EXT2: variants seen among roughly 807,000 people sequenced by gnomAD.
The protein encoded by EXT2 is exostosin-2.
In EXT2, 53 loss-of-function variants were observed where a neutral mutation model predicts 81.6. The observed-to-expected ratio is 0.65, with a 90% confidence interval of 0.52 to 0.82. EXT2 has a LOEUF of 0.82. Among genes scored for constraint, EXT2 ranks in the 40% least tolerant of loss-of-function variants. The pLI, the probability that EXT2 is intolerant of heterozygous loss-of-function variation, is 0.00. For missense variants in EXT2, 774 were observed against 910.2 expected (o/e 0.85, Z 1.93); for synonymous variants, 320 against 340.0 (o/e 0.94, Z 0.65).
In EXT2 at chr11:44,108,199, A is replaced by T. The variant is rs1954089713; in HGVS notation, c.487A>T (p.Asn163Tyr). Residue 163 changes from asparagine (N) to tyrosine (Y), a missense_variant, in exon 2 of 14, where the codon AAC becomes TAC. Coordinates refer to ENST00000533608, the MANE Select transcript of EXT2 (RefSeq NM_207122.2). ...FVPSIDVLNQ[N>Y]TLRIKETAQA... Reference sequence around the variant, plus strand: ...TCCCTCCATCGATGTGCTTAACCAGAACACACTGCGCATCAAGGAGACAGC... The same window carrying T: ...TCCCTCCATCGATGTGCTTAACCAGTACACACTGCGCATCAAGGAGACAGC... The T allele has an allele frequency of 4.3e-6, 7 of 1,613,760 alleles. No homozygotes were observed. Among genetic ancestry groups the T allele is most frequent in the Non-Finnish European group, 5.9e-6 (7 of 1,180,018 alleles).
At chr11:44,218,750 TA>T (rs1955748513) in intron 10 of EXT2, among the ~76,000 whole-genome samples, 1 of 151,744 alleles carries the variant, frequency 6.6e-6, no homozygotes, top group Non-Finnish European at 1.5e-5. Context: ...TGGCTATCTA[TA>T]TGTGTATTCA....
chr11:44,108,087 C>A lies in EXT2; in HGVS notation c.375C>A (p.Thr125=). ...ACTTTGGCGTCTCTGTCAGCAACACCATCTCCCGGGAGTATAATGAACTGC... is the reference window on the plus strand; with the variant it reads ...ACTTTGGCGTCTCTGTCAGCAACACAATCTCCCGGGAGTATAATGAACTGC... The part of the protein sequence containing the change: ...VDDFGVSVSN[T]ISREYNELLM... Residue 125 remains threonine, a synonymous_variant, in exon 2 of 14, where the codon ACC becomes ACA. Transcript: ENST00000533608. The A allele has an allele frequency of 6.2e-7, 1 of 1,614,170 alleles. No individual in the cohort carries two copies. The highest frequency in any genetic ancestry group is 1.1e-5 in the South Asian group (1 of 91,080).
chr11:44,155,848 C>T lies in EXT2; in HGVS notation c.1174-15763C>T, dbSNP rs143973743. ...TACCGGTGGGTTTTGTACCTTCAGA[C>T]GATTTCTTATTGCTTGTTAACATCC... On this transcript the variant is annotated intron_variant, in intron 7 of 13. Transcript: ENST00000533608. Among the ~76,000 whole-genome samples the T allele has an allele frequency of 4.1e-3, 628 of 152,200 alleles. 4 individuals carry two copies. The highest frequency in any genetic ancestry group is 5.9e-3 in the Non-Finnish European group (404 of 67,980).
intron 6 of EXT2, among the ~76,000 whole-genome samples, chr11:44,128,093 C>A (rs1214238694): frequency 5.9e-5 from 9 of 152,214 alleles, no homozygotes. Context: ...CTGTCCAAAT[C>A]TGATCACCAC....
chr11:44,198,241 C>T (rs1955481920), intron 9 of EXT2: 1 of 585,632 alleles, frequency 1.7e-6, no homozygotes, highest in Admixed American at 2.8e-5. Context: ...GCTTAGGAAT[C>T]AACAGGATCA....
intron 7 of EXT2, among the ~76,000 whole-genome samples, chr11:44,137,231 A>T (rs1466770975): frequency 7.9e-5 from 12 of 152,368 alleles, no homozygotes; most frequent in African/African-American, 2.9e-4. Flanking sequence ...GCATTTTAAT[A>T]GAACTGTCTC....
intron 10 of EXT2, among the ~76,000 whole-genome samples, chr11:44,221,863 G>A (rs1205683938): frequency 6.6e-6 from 1 of 152,146 alleles, no homozygotes; most frequent in Non-Finnish European, 1.5e-5. Flanking sequence ...GGCAGTGGTT[G>A]GTGATTGCTA....
chr11:44,139,758 T>C (rs1272741055), intron 7 of EXT2, among the ~76,000 whole-genome samples: 1 of 152,206 alleles, frequency 6.6e-6, no homozygotes, highest in Non-Finnish European at 1.5e-5. Flanking sequence ...GAGCGGCTGG[T>C]TTCCGTGGCC....
Position 44,126,862 on chromosome 11 carries a change from C to G in EXT2, c.986C>G (p.Ala329Gly). The change falls in exon 6 of 14, where the codon GCA becomes GGA. Residue 329 changes from alanine (A) to glycine (G), a missense_variant. Coordinates refer to ENST00000533608, the MANE Select transcript of EXT2 (RefSeq NM_207122.2). ...VVLRGARLGQ[A>G]VLSDVLQAGC... Reference sequence around the variant, plus strand: ...CTTCGTGGAGCTCGGCTGGGCCAGGCAGTATTGAGCGATGTGTTACAAGCT... The same window carrying G: ...CTTCGTGGAGCTCGGCTGGGCCAGGGAGTATTGAGCGATGTGTTACAAGCT... 6.2e-7 allele frequency: 1 copy of G among 1,614,094 alleles called. No individual in the cohort carries two copies. The highest frequency in any genetic ancestry group is 8.5e-7 in the Non-Finnish European group (1 of 1,180,018).
chr11:44,223,554 C>T (rs1217785748), intron 10 of EXT2, among the ~76,000 whole-genome samples: 1 of 151,942 alleles, frequency 6.6e-6, no homozygotes, highest in African/African-American at 2.4e-5. Context: ...TGTGTGATTC[C>T]ATTTATATAA....
At chr11:44,243,387 C>T (rs931968062) in intron 13 of EXT2, among the ~76,000 whole-genome samples, 1 of 152,132 alleles carries the variant, frequency 6.6e-6, no homozygotes, top group Non-Finnish European at 1.5e-5. Context: ...ACAGCCTCTC[C>T]CCTCCTCTGG....
intron 1 of EXT2, among the ~76,000 whole-genome samples, chr11:44,103,902 G>A (rs529447639): frequency 6.6e-6 from 1 of 152,104 alleles, no homozygotes; most frequent in Non-Finnish European, 1.5e-5. Context: ...TTGAATTCTT[G>A]ATTAATCTTA....
At chr11:44,171,469 G>A (rs767442038) in intron 7 of EXT2, 142 bp from the exon 8 acceptor site, 1 of 1,201,286 alleles carries the variant, frequency 8.3e-7, no homozygotes, top group Non-Finnish European at 1.2e-6. Context: ...TGAACAGCAG[G>A]GAGCATATGC....
At chr11:44,195,837 A>G (rs1420791416) in intron 8 of EXT2, among the ~76,000 whole-genome samples, 1 of 152,206 alleles carries the variant, frequency 6.6e-6, no homozygotes, top group Non-Finnish European at 1.5e-5. Flanking sequence ...TAACATATGA[A>G]TATGAATGTA....
chr11:44,124,151 G>A (rs1954358998), intron 4 of EXT2, among the ~76,000 whole-genome samples: 1 of 152,204 alleles, frequency 6.6e-6, no homozygotes, highest in Non-Finnish European at 1.5e-5. Flanking sequence ...ATGCTTTGAT[G>A]AAGATCGTTT....
chr11:44,142,578 A>G (rs1272345387), intron 7 of EXT2, among the ~76,000 whole-genome samples: 2 of 152,242 alleles, frequency 1.3e-5, no homozygotes, highest in Middle Eastern at 3.2e-3. Context: ...AAGTCTATCT[A>G]TACTGAACTT....
At position 44,097,746 on chromosome 11, in the gene EXT2, A is replaced by G. The variant is rs1424057826; in HGVS notation, c.-31+1894A>G. On this transcript the variant is annotated intron_variant, in intron 1 of 13. Transcript: ENST00000533608. ...TGCACTCCAGCCTGAGTGACAGAGC[A>G]AGACTCCATCTCAAAAAATAAATAA... is the stretch of plus-strand genomic sequence containing the variant. Among the ~76,000 whole-genome samples the G allele has an allele frequency of 3.4e-5, 5 of 145,674 alleles. No individual in the cohort carries two copies. In the East Asian group the frequency reaches 1.0e-3, roughly 29 times the overall value.
intron 10 of EXT2, among the ~76,000 whole-genome samples, chr11:44,216,809 GA>G (rs1278917528): frequency 6.6e-6 from 1 of 151,302 alleles, no homozygotes; most frequent in Non-Finnish European, 1.5e-5. Flanking sequence ...AGAGGGAAGA[GA>G]TGTAAGATAA....
At chr11:44,184,264 A>T (rs1055604456) in intron 8 of EXT2, among the ~76,000 whole-genome samples, 1 of 152,044 alleles carries the variant, frequency 6.6e-6, no homozygotes. Flanking sequence ...TGTTCCAGGG[A>T]ATTTTATTTT....
Sources: gnomAD v4.1 joint callset for allele counts (sites outside exome capture counted in the v4.1 genomes callset) on GRCh38, gnomAD v4.1.1 for gene constraint, MANE v1.5 for transcripts, NCBI Gene and HGNC (gene_info 2026-07-23, HGNC 2026-07-21) for gene names.